The following VDAC2 variants were observed in gnomAD, a reference collection of about 807,000 sequenced individuals.
VDAC2 encodes voltage dependent anion channel 2.
Under a neutral mutation model 36.6 loss-of-function variants are expected in VDAC2, and 6 were observed. The ratio of observed to expected loss-of-function variants is 0.16; its 90% confidence interval spans 0.09 to 0.32. The LOEUF is 0.32. Among genes scored for constraint, VDAC2 ranks in the 10% least tolerant of loss-of-function variants. VDAC2 has a pLI of 1.00. For synonymous variants in VDAC2, 109 were observed against 123.8 expected (o/e 0.88, Z 0.79); for missense variants, 247 against 346.0 (o/e 0.71, Z 2.27).
chr10:75,218,079 A>G, intron 4 of VDAC2: 1 of 410,022 alleles, frequency 2.4e-6, no homozygotes, highest in Non-Finnish European at 4.2e-6. Context: ...CAGAGGCAAG[A>G]TGCTGTCTCA....
intron 8 of VDAC2, among the ~76,000 whole-genome samples, chr10:75,225,845 T>G (rs1391995042): frequency 6.6e-6 from 1 of 152,070 alleles, no homozygotes; most frequent in South Asian, 2.1e-4. Flanking sequence ...CAGGCTGGAG[T>G]GCAGTGGCGT....
intron 8 of VDAC2, among the ~76,000 whole-genome samples, chr10:75,224,337 T>C (rs539411514): frequency 6.6e-6 from 1 of 152,282 alleles, no homozygotes; most frequent in East Asian, 1.9e-4. Flanking sequence ...TAGGAGAAAC[T>C]GAGTTGGTTT....
In VDAC2 at chr10:75,220,751, G is replaced by A. The variant is rs752106611; in HGVS notation, c.365G>A (p.Ser122Asn). ...GTTTGTTCTTTTTCCAGAAAGAAAAGTGGTAAAATCAAGTCTTCTTACAAG... is the reference window on the plus strand; with the variant it reads ...GTTTGTTCTTTTTCCAGAAAGAAAAATGGTAAAATCAAGTCTTCTTACAAG... Reference protein sequence around the residue: ...TTFSPNTGKKSGKIKSSYKRE... With the variant: ...TTFSPNTGKKNGKIKSSYKRE... Residue 122 changes from serine (S) to asparagine (N), a missense_variant, in exon 7 of 10, where the codon AGT (serine) becomes AAT (asparagine). By Grantham distance (46) the Ser-to-Asn change is conservative. Around this residue, in one of 3 missense-constraint regions of VDAC2, gnomAD observed 159 missense variants for 234.0 expected, o/e 0.68. Coordinates refer to ENST00000332211, the MANE Select transcript of VDAC2 (RefSeq NM_001391963.1). The A allele has an allele frequency of 6.2e-6, 10 of 1,608,938 alleles. No homozygotes were observed. The highest frequency in any genetic ancestry group is 6.8e-6 in the Non-Finnish European group (8 of 1,176,720).
chr10:75,224,614 A>AT (rs1841904083), intron 8 of VDAC2, among the ~76,000 whole-genome samples: 1 of 152,150 alleles, frequency 6.6e-6, no homozygotes, highest in Non-Finnish European at 1.5e-5. Flanking sequence ...AACGCAAACA[A>AT]TAAGAAACAA....
At chr10:75,212,900 A>G (rs1160010238) in intron 3 of VDAC2, among the ~76,000 whole-genome samples, 1 of 152,028 alleles carries the variant, frequency 6.6e-6, no homozygotes, top group African/African-American at 2.4e-5. Flanking sequence ...GAGTTACGAT[A>G]TATTACTGTT....
chr10:75,230,785 A>C lies in VDAC2; in HGVS notation c.794-113A>C, dbSNP rs962232487. On this transcript the variant is annotated intron_variant, in intron 9 of 9. Coordinates refer to ENST00000332211, the MANE Select transcript of VDAC2 (RefSeq NM_001391963.1). ...GGCCAGCACTAGTAGGTCAGCTGAC[A>C]GGCTGAGGAAGTGACAGGCAGGCTC... 9.6e-5 allele frequency: 81 copies of C among 842,924 alleles called. 1 individual carries two copies. Among genetic ancestry groups the C allele is most frequent in the African/African-American group, 1.7e-5 (1 of 57,770 alleles). 52.2% of individuals were successfully genotyped at this position (842,924 alleles called of 1,614,324 possible). A position where few individuals can be genotyped will look rare whatever the true frequency, so the allele number is the denominator to read the frequency against.
Position 75,223,990 on chromosome 10 carries a change from C to G in VDAC2, c.735+1588C>G, listed in dbSNP as rs145404191. ...CTTCATCTGTATCCTTTGTAATATC[C>G]TTTATTAAAACTGGTAAATGTAAAT... On this transcript the variant is annotated intron_variant, in intron 8 of 9. Transcript: ENST00000332211. Among the ~76,000 whole-genome samples, 567 of 152,278 alleles carry G rather than the reference C, an allele frequency of 3.7e-3. 5 individuals carry two copies. Among genetic ancestry groups the G allele is most frequent in the African/African-American group, 0.013 (531 of 41,552 alleles).
chr10:75,212,887 C>G (rs1023545516), intron 3 of VDAC2, among the ~76,000 whole-genome samples: 5 of 152,080 alleles, frequency 3.3e-5, no homozygotes, highest in Admixed American at 6.6e-5. Context: ...CCCTGGTTGA[C>G]TAGAGTTACG....
intron 6 of VDAC2, 97 bp downstream of exon 6, chr10:75,219,453 C>T (rs1335204358): frequency 9.5e-7 from 1 of 1,048,638 alleles, no homozygotes; most frequent in African/African-American, 1.6e-5. Context: ...GCTTATTAAG[C>T]TACCTTGTGG....
chr10:75,215,985 C>T (rs563191417), intron 4 of VDAC2, among the ~76,000 whole-genome samples: 5 of 152,178 alleles, frequency 3.3e-5, no homozygotes, highest in African/African-American at 4.8e-5. Flanking sequence ...GGATTACAGG[C>T]GTGAGCCACA....
intron 6 of VDAC2, 51 bp from the exon 7 acceptor site, chr10:75,220,692 C>T (rs1248363760): frequency 1.8e-5 from 27 of 1,501,362 alleles, no homozygotes; most frequent in Non-Finnish European, 2.5e-5. Context: ...CTCTCTTGTG[C>T]AGAAGTGTGT....
At chr10:75,216,238 A>T (rs1841601364) in intron 4 of VDAC2, among the ~76,000 whole-genome samples, 1 of 152,248 alleles carries the variant, frequency 6.6e-6, no homozygotes, top group African/African-American at 2.4e-5. Flanking sequence ...CTTCTAAAAA[A>T]GATTCAGTCC....
At chr10:75,212,744 T>G (rs949371333) in intron 3 of VDAC2, among the ~76,000 whole-genome samples, 2 of 152,206 alleles carry the variant, frequency 1.3e-5, no homozygotes, top group Admixed American at 1.3e-4. Context: ...ATTAAACTTA[T>G]GTGAAAATAG....
chr10:75,225,069 T>G (rs1408134800), intron 8 of VDAC2, among the ~76,000 whole-genome samples: 1 of 152,230 alleles, frequency 6.6e-6, no homozygotes, highest in African/African-American at 2.4e-5. Context: ...TAAATAAGTC[T>G]TATAATACTG....
intron 8 of VDAC2, among the ~76,000 whole-genome samples, chr10:75,228,584 C>T (rs1842024627): frequency 1.3e-5 from 2 of 152,346 alleles, no homozygotes; most frequent in South Asian, 4.1e-4. Flanking sequence ...TCATTGGTAG[C>T]TCATGAATAT....
At chr10:75,211,098 GACC>G in intron 1 of VDAC2, 33 bp from the exon 2 acceptor site, 1 of 1,577,860 alleles carries the variant, frequency 6.3e-7, no homozygotes, top group Non-Finnish European at 8.6e-7. Flanking sequence ...TTGGCCCTTT[GACC>G]CCAGCTTACC....
intron 3 of VDAC2, 23 bp downstream of exon 3, chr10:75,212,321 G>A: frequency 1.9e-6 from 3 of 1,595,818 alleles, no homozygotes; most frequent in South Asian, 1.1e-5. Flanking sequence ...TTTTTAAAAC[G>A]TTTTAGATAA....
At chr10:75,226,729 C>T (rs80142744) in intron 8 of VDAC2, among the ~76,000 whole-genome samples, 3,355 of 151,968 alleles carry the variant, frequency 0.022, 135 homozygotes, top group African/African-American at 0.076. Context: ...CCCAAAGTGC[C>T]GGGGTAACAG....
Position 75,222,252 on chromosome 10 carries a change from C to T in VDAC2, c.585C>T (p.Val195=), listed in dbSNP as rs771280717. The stretch of plus-strand genomic sequence containing the variant: ...TCTACTAATTTAAAATATCTTATAG[C>T]AATGATGGGACAGAATTTGGAGGAT... ...RTGDFQLHTN[V]NDGTEFGGSI... The change falls in exon 8 of 10, where the codon GTC becomes GTT. Residue 195 remains valine (V), a splice_region_variant and synonymous_variant. Coordinates refer to ENST00000332211, the MANE Select transcript of VDAC2 (RefSeq NM_001391963.1). 1.9e-6 allele frequency: 3 copies of T among 1,613,004 alleles called. No homozygotes were observed. In the South Asian group the frequency reaches 3.3e-5, roughly 18 times the overall value.
Sources: gnomAD v4.1 joint callset for allele counts (sites outside exome capture counted in the v4.1 genomes callset) on GRCh38, gnomAD v4.1.1 for gene constraint, gnomAD v4.1.1 regional missense constraint, MANE v1.5 for transcripts, NCBI Gene and HGNC (gene_info 2026-07-23, HGNC 2026-07-21) for gene names.